Variants in KY observed in about 807,000 individuals in gnomAD.
KY encodes the protein kyphoscoliosis peptidase.
A neutral mutation model predicts 76.1 loss-of-function variants in KY; 43 were observed. The observed-to-expected ratio is 0.57, with a 90% CI of 0.44 to 0.73. The LOEUF (loss-of-function observed/expected upper bound fraction) is 0.73. Ranked by LOEUF, KY falls within the 30% of genes least tolerant of loss-of-function variation. The probability of loss-of-function intolerance (pLI) is 0.00; values close to 1 mark genes in which losing one functional copy is unlikely to be tolerated. For synonymous variants in KY, 277 were observed against 326.2 expected (o/e 0.85, Z 1.63); for missense variants, 722 against 828.9 (o/e 0.87, Z 1.58).
chr3:134,617,720 G>A (rs190227959), intron 8 of KY, among the ~76,000 whole-genome samples: 38 of 152,332 alleles, frequency 2.5e-4, no homozygotes, highest in African/African-American at 8.9e-4. Context: ...CAACTGGGCT[G>A]GGGGTACAAA....
Position 134,650,977 on chromosome 3 carries a change from C to T in KY, c.-17G>A, listed in dbSNP as rs754286911. ...CAGCTCCATGATGCCGCCTCCTTTC[C>T]GACCTGGGCGCCGCGGCCGCACGCT... On this transcript the variant is annotated 5_prime_UTR_variant, in exon 1 of 11. Coordinates refer to ENST00000423778, the MANE Select transcript of KY (RefSeq NM_178554.6). The T allele has an allele frequency of 6.2e-7, 1 of 1,612,812 alleles. No homozygotes were observed. Among genetic ancestry groups the T allele is most frequent in the Admixed American group, 1.7e-5 (1 of 59,992 alleles).
intron 4 of KY, among the ~76,000 whole-genome samples, chr3:134,629,098 A>G (rs1229629039): frequency 2.6e-5 from 4 of 152,182 alleles, no homozygotes; most frequent in African/African-American, 9.7e-5. Context: ...GCCTGGGCCT[A>G]TGTGCACTGC....
chr3:134,603,375 C>G lies in KY; in HGVS notation c.*204G>C, dbSNP rs6800742. ...CCTTCTAAAGAGCCACTGCCTCTGC[C>G]CCCTCAGTCACAGCCACACCTGAGT... On this transcript the variant is annotated 3_prime_UTR_variant, in exon 11 of 11. Transcript: ENST00000423778. 1,300 of 502,820 alleles carry G rather than the reference C, an allele frequency of 2.6e-3. 10 individuals are homozygous for G. The highest frequency in any genetic ancestry group is 0.023 in the African/African-American group (1,196 of 51,846). 31.1% of individuals were successfully genotyped at this position (502,820 alleles called of 1,614,324 possible).
rs774524741 is a variant in KY, at chr3:134,610,182, G to GAC, written c.899+11_899+12dup. The GAC allele has an allele frequency of 6.2e-7, 1 of 1,609,000 alleles. No individual in the cohort carries two copies. The highest frequency in any genetic ancestry group is 8.5e-7 in the Non-Finnish European group (1 of 1,177,118). On this transcript the variant is annotated intron_variant, in intron 9 of 10. Coordinates refer to ENST00000423778, the MANE Select transcript of KY (RefSeq NM_178554.6). ...CCTGCCAGACGCCCAGCAGAACTGA[G>GAC]ACAAGTACTTACAGGAAGGTGAATT... is the stretch of plus-strand genomic sequence containing the variant.
chr3:134,647,620 G>A (rs781617256), intron 1 of KY, 123 bp from the exon 2 acceptor site: 140 of 605,870 alleles, frequency 2.3e-4, no homozygotes, highest in Middle Eastern at 1.3e-3. Context: ...TCTGAGAGAG[G>A]CTACCCATGA....
At position 134,629,796 on chromosome 3, in the gene KY, C is replaced by A. The variant is rs62270962; in HGVS notation, c.263-101G>T. The A allele has an allele frequency of 0.068, 51,122 of 747,036 alleles. 2,443 individuals are homozygous for A. Among genetic ancestry groups the A allele is most frequent in the South Asian group, 0.18 (11,552 of 63,916 alleles). The allele number at this position is 747,036 out of a possible 1,614,324, so 46.3% of individuals were successfully genotyped here. The stretch of plus-strand genomic sequence containing the variant: ...AATAAAAAAACAATTAGTTTTAGAA[C>A]TTTCTTTTGTGTGTACAAATCATCC... On this transcript the variant is annotated intron_variant, in intron 3 of 10. Transcript: ENST00000423778.
intron 10 of KY, among the ~76,000 whole-genome samples, chr3:134,606,442 C>G (rs1959205838): frequency 6.6e-6 from 1 of 152,204 alleles, no homozygotes; most frequent in Admixed American, 6.5e-5. Context: ...CCCTCCCCAC[C>G]ACTTCCCCCA....
Position 134,629,499 on chromosome 3 carries a change from T to A in KY, c.337+122A>T. The A allele has an allele frequency of 4.3e-6, 3 of 698,928 alleles. No individual in the cohort carries two copies. The South Asian group carries it at 5.2e-5, about 12-fold the overall frequency. 43.3% of individuals were successfully genotyped at this position (698,928 alleles called of 1,614,324 possible). A position where few individuals can be genotyped will look rare whatever the true frequency, so the allele number is the denominator to read the frequency against. On this transcript the variant is annotated intron_variant, in intron 4 of 10. Coordinates refer to ENST00000423778, the MANE Select transcript of KY (RefSeq NM_178554.6). ...CTGTCATGCTTCTGCCTTTTCCCAG[T>A]TTGCAGGCCCATGTCACTCTTCTCC...
intron 8 of KY, among the ~76,000 whole-genome samples, chr3:134,612,136 GC>G (rs1311802038): frequency 2.0e-5 from 3 of 152,158 alleles, no homozygotes; most frequent in Non-Finnish European, 4.4e-5. Context: ...AAGTTTTCTA[GC>G]CCCCGCCCTT....
At chr3:134,604,974 G>A (rs1281956350) in intron 10 of KY, among the ~76,000 whole-genome samples, 1 of 152,164 alleles carries the variant, frequency 6.6e-6, no homozygotes, top group African/African-American at 2.4e-5. Context: ...CTGAGACTGT[G>A]CATAGGAGGT....
Position 134,601,703 on chromosome 3 carries a change from GC to G in KY, c.*1875del, listed in dbSNP as rs1480843435. Among the ~76,000 whole-genome samples, 3 of 152,234 alleles carry G rather than the reference GC, an allele frequency of 2.0e-5. No individual in the cohort carries two copies. Among genetic ancestry groups the G allele is most frequent in the Non-Finnish European group, 2.9e-5 (2 of 68,044 alleles). On this transcript the variant is annotated 3_prime_UTR_variant, in exon 11 of 11. Transcript: ENST00000423778. Reference sequence around the variant, plus strand: ...CGCAGGACCTGCCCAGGACAGTTCAGCCCCCCAGGGGAGACACCCCTTTTGC... The same window carrying G: ...CGCAGGACCTGCCCAGGACAGTTCAGCCCCCAGGGGAGACACCCCTTTTGC...
chr3:134,642,689 C>T (rs947986437), intron 3 of KY, among the ~76,000 whole-genome samples: 1 of 152,220 alleles, frequency 6.6e-6, no homozygotes, highest in South Asian at 2.1e-4. Context: ...CAGGAGAGGC[C>T]GAAGAACTGC....
intron 3 of KY, among the ~76,000 whole-genome samples, chr3:134,635,768 C>T (rs1184404829): frequency 6.6e-6 from 1 of 151,908 alleles, no homozygotes; most frequent in Non-Finnish European, 1.5e-5. Context: ...AAATACCAAC[C>T]ACACACAAAA....
intron 3 of KY, among the ~76,000 whole-genome samples, chr3:134,636,184 T>G (rs1029805245): frequency 1.3e-5 from 2 of 152,230 alleles, no homozygotes; most frequent in African/African-American, 2.4e-5. Context: ...AATATGGATA[T>G]TTTAAAGGCT....
chr3:134,606,847 A>C (rs1959261693), intron 10 of KY, among the ~76,000 whole-genome samples: 3 of 138,530 alleles, frequency 2.2e-5, no homozygotes, highest in South Asian at 2.4e-4. Context: ...CCTCCACGGC[A>C]CTCTCCTAGA....
At chr3:134,606,117 C>T (rs1959192429) in intron 10 of KY, among the ~76,000 whole-genome samples, 1 of 152,178 alleles carries the variant, frequency 6.6e-6, no homozygotes, top group Admixed American at 6.5e-5. Flanking sequence ...TGGGCAGAAG[C>T]TACCTCAGCT....
At chr3:134,616,822 CAAGA>C (rs1382178463) in intron 8 of KY, among the ~76,000 whole-genome samples, 1 of 152,170 alleles carries the variant, frequency 6.6e-6, no homozygotes, top group African/African-American at 2.4e-5. Flanking sequence ...AATCAATACT[CAAGA>C]AAGACAAGAT....
At chr3:134,624,729 G>A (rs1284159541) in intron 6 of KY, among the ~76,000 whole-genome samples, 1 of 152,196 alleles carries the variant, frequency 6.6e-6, no homozygotes, top group Non-Finnish European at 1.5e-5. Flanking sequence ...CATAGCTTAG[G>A]AGCAGAAATG....
chr3:134,620,949 C>T lies in KY; in HGVS notation c.484-92G>A, dbSNP rs544338372. Reference sequence around the variant, plus strand: ...GCACCTACAGCCAGTGCTGCTCTTCCTCCAGGCAGAGAAGCTGGAGGAGAG... The same window carrying T: ...GCACCTACAGCCAGTGCTGCTCTTCTTCCAGGCAGAGAAGCTGGAGGAGAG... On this transcript the variant is annotated intron_variant, in intron 6 of 10. Coordinates refer to ENST00000423778, the MANE Select transcript of KY (RefSeq NM_178554.6). The T allele has an allele frequency of 1.8e-4, 136 of 767,052 alleles. No individual in the cohort carries two copies. The African/African-American group carries it at 2.2e-3, about 12-fold the overall frequency. 47.5% of individuals were successfully genotyped at this position (767,052 alleles called of 1,614,324 possible).
Sources: allele counts gnomAD v4.1 joint callset (sites outside exome capture counted in the v4.1 genomes callset), GRCh38; gene constraint gnomAD v4.1.1; transcripts MANE v1.5; gene names NCBI Gene and HGNC (gene_info 2026-07-23, HGNC 2026-07-21).